PTPRD: variants seen among roughly 807,000 people sequenced by gnomAD.
PTPRD encodes the protein protein tyrosine phosphatase receptor type D, also known as receptor-type tyrosine-protein phosphatase delta.
In PTPRD, 34 loss-of-function variants were observed where a neutral mutation model predicts 214.5. The ratio of observed to expected loss-of-function variants is 0.16; its 90% CI spans 0.12 to 0.21. The LOEUF (loss-of-function observed/expected upper bound fraction) is 0.21, where lower values mean the gene tolerates loss of function less well. PTPRD is among the 10% of genes least tolerant of loss of function. The probability of loss-of-function intolerance (pLI) is 1.00; values close to 1 mark genes in which losing one functional copy is unlikely to be tolerated. For synonymous variants in PTPRD, 1,128 were observed against 845.7 expected (o/e 1.33, Z -5.79); for missense variants, 2,545 against 2,398.7 (o/e 1.06, Z -1.27).
intron 2 of PTPRD, among the ~76,000 whole-genome samples, chr9:10,398,062 G>C (rs1051531619): frequency 1.3e-5 from 2 of 151,310 alleles, no homozygotes; most frequent in Non-Finnish European, 2.9e-5. Context: ...TCCTCTGCTT[G>C]TGTGTTTAGC....
intron 9 of PTPRD, among the ~76,000 whole-genome samples, chr9:9,193,590 C>A (rs1333800536): frequency 1.3e-5 from 2 of 152,158 alleles, no homozygotes; most frequent in East Asian, 1.9e-4. Context: ...CATCATGTTA[C>A]CATGCTGAAT....
chr9:8,727,630 G>A (rs114658818), intron 12 of PTPRD, among the ~76,000 whole-genome samples: 2,156 of 151,746 alleles, frequency 0.014, 48 homozygotes, highest in African/African-American at 0.049. Context: ...TTTTTGTTTT[G>A]GTTTAGGTGT....
At chr9:10,017,900 C>T (rs577552356) in intron 4 of PTPRD, among the ~76,000 whole-genome samples, 1 of 152,002 alleles carries the variant, frequency 6.6e-6, no homozygotes, top group Admixed American at 6.5e-5. Flanking sequence ...ATTTGAATAC[C>T]CTCACTTAAA....
rs377211305 is a variant in PTPRD, at chr9:8,467,117, T to C, written c.3505-1442A>G. 7.9e-5 allele frequency among the ~76,000 whole-genome samples: 12 copies of C among 151,942 alleles called. No homozygotes were observed. The East Asian group carries it at 1.2e-3, about 15-fold the overall frequency. On this transcript the variant is annotated intron_variant, in intron 31 of 45. Coordinates refer to ENST00000381196, the MANE Select transcript of PTPRD (RefSeq NM_002839.4). Reference sequence around the variant, plus strand: ...GGCCGACATTATTTTTCAATAATATTTAATTTATAACGTGCTAAAATTTTC... The same window carrying C: ...GGCCGACATTATTTTTCAATAATATCTAATTTATAACGTGCTAAAATTTTC...
chr9:9,296,121 G>T (rs986008302), intron 9 of PTPRD, among the ~76,000 whole-genome samples: 7 of 151,732 alleles, frequency 4.6e-5, no homozygotes, highest in African/African-American at 1.7e-4. Flanking sequence ...GCCAGTTAAT[G>T]GGGTTTAGAG....
chr9:9,326,813 C>A (rs746509228), intron 9 of PTPRD, among the ~76,000 whole-genome samples: 12 of 152,032 alleles, frequency 7.9e-5, no homozygotes, highest in Non-Finnish European at 1.8e-4. Context: ...CTAGAAGAAA[C>A]TATTTCACCT....
chr9:9,737,691 A>G (rs2098324721), intron 6 of PTPRD, among the ~76,000 whole-genome samples: 1 of 152,214 alleles, frequency 6.6e-6, no homozygotes, highest in Admixed American at 6.5e-5. Context: ...TATGTTGCTA[A>G]AAAATATTTC....
intron 3 of PTPRD, among the ~76,000 whole-genome samples, chr9:10,073,469 G>T (rs536500815): frequency 1.3e-5 from 2 of 152,048 alleles, no homozygotes; most frequent in Non-Finnish European, 2.9e-5. Context: ...CGGTATTCTG[G>T]ATGTGATAGT....
At chr9:10,269,423 A>G (rs1263880034) in intron 3 of PTPRD, among the ~76,000 whole-genome samples, 1 of 152,188 alleles carries the variant, frequency 6.6e-6, no homozygotes, top group Non-Finnish European at 1.5e-5. Context: ...GTAAGTTTTA[A>G]ACAGTAAGAA....
At chr9:10,140,653 G>A (rs969296296) in intron 3 of PTPRD, among the ~76,000 whole-genome samples, 2 of 151,998 alleles carry the variant, frequency 1.3e-5, no homozygotes, top group Admixed American at 6.6e-5. Context: ...ATTGACAGCC[G>A]AATTCTCCCA....
chr9:9,867,761 T>G (rs1383275820), intron 5 of PTPRD, among the ~76,000 whole-genome samples: 1 of 152,110 alleles, frequency 6.6e-6, no homozygotes, highest in Non-Finnish European at 1.5e-5. Flanking sequence ...GGCAGGCAAG[T>G]AGGTTTAAGC....
At chr9:8,803,532 T>C (rs1313106055) in intron 11 of PTPRD, among the ~76,000 whole-genome samples, 1 of 152,086 alleles carries the variant, frequency 6.6e-6, no homozygotes, top group African/African-American at 2.4e-5. Flanking sequence ...TTATAAAAAT[T>C]ATAACGCCTG....
At chr9:10,267,774 A>G (rs1342773755) in intron 3 of PTPRD, among the ~76,000 whole-genome samples, 1 of 152,186 alleles carries the variant, frequency 6.6e-6, no homozygotes, top group Non-Finnish European at 1.5e-5. Flanking sequence ...TAACAACAGG[A>G]AGACCAACAA....
chr9:9,790,636 A>G (rs891617589), intron 5 of PTPRD, among the ~76,000 whole-genome samples: 7 of 152,256 alleles, frequency 4.6e-5, no homozygotes, highest in African/African-American at 1.7e-4. Context: ...AATCCATAAC[A>G]AAGAAAAATA....
chr9:8,835,314 A>G (rs2097394253), intron 11 of PTPRD, among the ~76,000 whole-genome samples: 1 of 152,224 alleles, frequency 6.6e-6, no homozygotes, highest in African/African-American at 2.4e-5. Context: ...AGTCTCTACA[A>G]ACACAGCTGA....
chr9:8,363,496 G>C (rs2079011177), intron 39 of PTPRD, among the ~76,000 whole-genome samples: 2 of 152,188 alleles, frequency 1.3e-5, no homozygotes, highest in South Asian at 2.1e-4. Context: ...TCAGGTGGCT[G>C]TTCTGAAAAA....
At chr9:10,061,859 T>C (rs2097782223) in intron 3 of PTPRD, among the ~76,000 whole-genome samples, 1 of 152,028 alleles carries the variant, frequency 6.6e-6, no homozygotes, top group African/African-American at 2.4e-5. Context: ...TCTAACAGTA[T>C]AGTCTCTGGA....
chr9:10,456,621 T>TCC (rs2098919501), intron 2 of PTPRD, among the ~76,000 whole-genome samples: 2 of 151,906 alleles, frequency 1.3e-5, no homozygotes, highest in African/African-American at 2.4e-5. Context: ...GGCAAAACAG[T>TCC]AAGGCAGGCT....
In PTPRD at chr9:9,275,069, T is replaced by TA. The variant is rs1555158762; in HGVS notation, c.-202-91707dup. On this transcript the variant is annotated intron_variant, in intron 9 of 45. Transcript: ENST00000381196. ...CATATATATATGTATATATATATTA[T>TA]ATATATATATATAATATATATGTTA... is the stretch of plus-strand genomic sequence containing the variant. 1.1e-4 allele frequency among the ~76,000 whole-genome samples: 7 copies of TA among 65,700 alleles called. 1 individual carries two copies. The highest frequency in any genetic ancestry group is 1.0e-3 in the Admixed American group (4 of 3,962). 43.1% of individuals were successfully genotyped at this position (65,700 alleles called of 152,430 possible).
Sources: allele counts gnomAD v4.1 joint callset (sites outside exome capture counted in the v4.1 genomes callset), GRCh38; gene constraint gnomAD v4.1.1; transcripts MANE v1.5; gene names NCBI Gene and HGNC (gene_info 2026-07-23, HGNC 2026-07-21).